The following FBN1 variants were observed in gnomAD, a reference collection of about 807,000 sequenced individuals.
The protein encoded by FBN1 is fibrillin-1.
FBN1 carries 29 observed loss-of-function variants against 365.1 expected under a neutral mutation model. The observed-to-expected ratio is 0.08, with a 90% CI of 0.06 to 0.11. The LOEUF (loss-of-function observed/expected upper bound fraction) is 0.11, where lower values mean the gene tolerates loss of function less well. Ranked by LOEUF, FBN1 falls within the 10% of genes least tolerant of loss-of-function variation. FBN1 has a pLI of 1.00. For synonymous variants in FBN1, 1,210 were observed against 1,270.5 expected (o/e 0.95, Z 1.01); for missense variants, 2,476 against 3,703.2 (o/e 0.67, Z 8.60).
chr15:48,474,754 G>T (rs2043406480), intron 32 of FBN1, 104 bp from the exon 33 acceptor site: 1 of 1,437,574 alleles, frequency 7.0e-7, no homozygotes, highest in Non-Finnish European at 9.6e-7. Context: ...ACTTCCCATG[G>T]TATAGTATAG....
chr15:48,471,532 A>G (rs1450453771), intron 35 of FBN1, among the ~76,000 whole-genome samples: 1 of 152,230 alleles, frequency 6.6e-6, no homozygotes, highest in Admixed American at 6.5e-5. Context: ...CATGATCAAG[A>G]GCATAATCTG....
Position 48,559,620 on chromosome 15 carries a change from T to C in FBN1, c.539-21812A>G, listed in dbSNP as rs143075724. 1.1e-4 allele frequency among the ~76,000 whole-genome samples: 16 copies of C among 152,172 alleles called. No homozygotes were observed. The East Asian group carries it at 3.1e-3, about 29-fold the overall frequency. Reference sequence around the variant, plus strand: ...ACTAAGGAAACAGTGTAAATTCCCCTCTCTTCCCAGAATGACTGAGTAAAT... The same window carrying C: ...ACTAAGGAAACAGTGTAAATTCCCCCCTCTTCCCAGAATGACTGAGTAAAT... On this transcript the variant is annotated intron_variant, in intron 6 of 65. Coordinates refer to ENST00000316623, the MANE Select transcript of FBN1 (RefSeq NM_000138.5).
chr15:48,516,490 A>C, intron 10 of FBN1, 128 bp from the exon 11 acceptor site: 1 of 973,670 alleles, frequency 1.0e-6, no homozygotes, highest in Non-Finnish European at 1.6e-6. Flanking sequence ...TCACAGGTCA[A>C]CTGGAGAAAA....
intron 4 of FBN1, among the ~76,000 whole-genome samples, chr15:48,600,632 G>C (rs1367979964): frequency 6.6e-6 from 1 of 152,184 alleles, no homozygotes; most frequent in East Asian, 1.9e-4. Context: ...TGAACCTGGG[G>C]GGGCAGAGGT....
chr15:48,420,453 A>C (rs937227325), intron 63 of FBN1, among the ~76,000 whole-genome samples: 1 of 152,164 alleles, frequency 6.6e-6, no homozygotes, highest in African/African-American at 2.4e-5. Context: ...GCTTCAAGAA[A>C]TTCTGGGGGC....
At position 48,489,998 on chromosome 15, in the gene FBN1, C is replaced by T. The variant is rs748915171; in HGVS notation, c.2935G>A (p.Ala979Thr). 5.0e-6 allele frequency: 8 copies of T among 1,614,132 alleles called. No individual in the cohort carries two copies. Among genetic ancestry groups the T allele is most frequent in the East Asian group, 2.2e-5 (1 of 44,862 alleles). Residue 979 changes from alanine to threonine, a missense_variant, in exon 25 of 66, where the codon GCC becomes ACC. Coordinates refer to ENST00000316623, the MANE Select transcript of FBN1 (RefSeq NM_000138.5). The stretch of plus-strand genomic sequence containing the variant: ...GCTGCCCCGACGGAGCAGCAGCAGG[C>T]GTCCATGCGGTGGCGGCCAGCAATA... ...LPIAGRHRMD[A>T]CCCSVGAAWG...
chr15:48,569,636 A>C (rs1397324244), intron 6 of FBN1, among the ~76,000 whole-genome samples: 1 of 152,188 alleles, frequency 6.6e-6, no homozygotes, highest in African/African-American at 2.4e-5. Flanking sequence ...ATTACTCCAC[A>C]ATAAAAAGGA....
chr15:48,607,706 T>C (rs368157777), intron 4 of FBN1, among the ~76,000 whole-genome samples: 2 of 152,146 alleles, frequency 1.3e-5, no homozygotes, highest in African/African-American at 4.8e-5. Flanking sequence ...AATGACCCAG[T>C]CTACAGTATT....
intron 6 of FBN1, among the ~76,000 whole-genome samples, chr15:48,551,223 C>G (rs1034795305): frequency 1.3e-5 from 2 of 152,122 alleles, no homozygotes; most frequent in Admixed American, 6.5e-5. Flanking sequence ...TACAAAATAC[C>G]TACCATAGTC....
intron 13 of FBN1, among the ~76,000 whole-genome samples, chr15:48,513,295 A>C (rs777631912): frequency 3.3e-4 from 50 of 152,254 alleles, no homozygotes; most frequent in Non-Finnish European, 7.3e-4. Flanking sequence ...AGGCAATAAT[A>C]GTGACGAGAC....
rs762276905 is a variant in FBN1 at position 48,534,128 on chromosome 15, T to G, written c.814A>C (p.Lys272Gln). The change falls in exon 8 of 66, where the codon AAA (lysine) becomes CAA (glutamine). Residue 272 changes from lysine to glutamine, a missense_variant. Lys to Gln is a moderately conservative substitution (Grantham distance 53, BLOSUM62 1). Around this residue, in one of 5 missense-constraint regions of FBN1, gnomAD observed 421 missense variants for 520.1 expected, o/e 0.81. Coordinates refer to ENST00000316623, the MANE Select transcript of FBN1 (RefSeq NM_000138.5). ...CINTVGSFEC[K>Q]CPAGHKLNEV... ...TTAAGTTTGTGTCCAGCAGGGCATTTGCACTCAAAAGACCCAACAGTATTA... is the reference window on the plus strand; with the variant it reads ...TTAAGTTTGTGTCCAGCAGGGCATTGGCACTCAAAAGACCCAACAGTATTA... 1.4e-5 allele frequency: 23 copies of G among 1,613,802 alleles called. No homozygotes were observed. Among genetic ancestry groups the G allele is most frequent in the Admixed American group, 3.3e-5 (2 of 59,982 alleles).
At chr15:48,542,117 C>G (rs2044062510) in intron 6 of FBN1, among the ~76,000 whole-genome samples, 1 of 152,168 alleles carries the variant, frequency 6.6e-6, no homozygotes, top group Non-Finnish European at 1.5e-5. Flanking sequence ...TCTGCAGCCT[C>G]TGATCCTCAG....
At chr15:48,417,446 C>CTTTT (rs1382615635) in intron 63 of FBN1, among the ~76,000 whole-genome samples, 180 of 10,578 alleles carry the variant, frequency 0.017, 1 homozygote, top group African/African-American at 0.071. Context: ...TCCCCTCCCT[C>CTTTT]CTTTCCTTCC....
At chr15:48,541,051 T>C (rs991374548) in intron 6 of FBN1, among the ~76,000 whole-genome samples, 18 of 152,224 alleles carry the variant, frequency 1.2e-4, no homozygotes, top group African/African-American at 4.3e-4. Flanking sequence ...CTGATTCAGT[T>C]CTGTCTGCCA....
At chr15:48,501,023 A>G (rs894479084) in intron 17 of FBN1, among the ~76,000 whole-genome samples, 1 of 152,234 alleles carries the variant, frequency 6.6e-6, no homozygotes, top group African/African-American at 2.4e-5. Context: ...AAAGAGGTGG[A>G]GAAACCAAAT....
In FBN1 at chr15:48,420,343, T is replaced by C. The variant is rs114328919; in HGVS notation, c.7819+344A>G. ...CTCAAAATAGCCTTTGGCTGGCTGA[T>C]ATTTTTCAGTCATAAGTAAGATTTT... is the stretch of plus-strand genomic sequence containing the variant. On this transcript the variant is annotated intron_variant, in intron 63 of 65. Transcript: ENST00000316623. 4.3e-3 allele frequency among the ~76,000 whole-genome samples: 657 copies of C among 152,322 alleles called. 4 individuals carry two copies. The highest frequency in any genetic ancestry group is 0.015 in the African/African-American group (634 of 41,560).
rs1307248706 is a variant in FBN1, at chr15:48,495,557, A to C, written c.2451T>G (p.Ile817Met). 31 of 1,613,960 alleles carry C rather than the reference A, an allele frequency of 1.9e-5. No individual in the cohort carries two copies. The highest frequency in any genetic ancestry group is 2.5e-5 in the Non-Finnish European group (29 of 1,179,990). The part of the protein sequence containing the change: ...DIDECESSPC[I>M]NGVCKNSPGS... ...CTGGGCTGTTCTTGCAGACTCCATT[A>C]ATGCAAGGACTTGATTCGCATTCAT... Residue 817 changes from isoleucine (I) to methionine (M), a missense_variant, in exon 21 of 66, where the codon ATT (isoleucine) becomes ATG (methionine). By Grantham distance (10) the Ile-to-Met change is conservative (BLOSUM62 1). This residue lies in a region of FBN1 where 1,780 missense variants were observed against 2,840.8 expected (regional missense o/e 0.63). Coordinates refer to ENST00000316623, the MANE Select transcript of FBN1 (RefSeq NM_000138.5).
At chr15:48,643,317 C>T (rs1305589831) in intron 2 of FBN1, 1 of 152,156 alleles carries the variant, frequency 6.6e-6, no homozygotes, top group Non-Finnish European at 1.5e-5. Context: ...CCAACATTAT[C>T]GGAATTCTGG....
At chr15:48,496,309 A>C in intron 19 of FBN1, 84 bp from the exon 20 acceptor site, 1 of 1,559,638 alleles carries the variant, frequency 6.4e-7, no homozygotes, top group Non-Finnish European at 8.8e-7. Flanking sequence ...AGATCTTTAA[A>C]GTCATAACGA....
Sources: allele counts gnomAD v4.1 joint callset (sites outside exome capture counted in the v4.1 genomes callset), GRCh38; gene constraint gnomAD v4.1.1; regional missense constraint gnomAD v4.1.1; transcripts MANE v1.5; gene names NCBI Gene and HGNC (gene_info 2026-07-23, HGNC 2026-07-21).